The following TMEM109 variants were observed in gnomAD, a reference collection of about 807,000 sequenced individuals.
TMEM109 encodes the protein transmembrane protein 109.
In TMEM109, 19 loss-of-function variants were observed where a neutral mutation model predicts 26.4. That is an observed-to-expected ratio of 0.72 (90% CI 0.50 to 1.06). The LOEUF (loss-of-function observed/expected upper bound fraction) is 1.06, where lower values mean the gene tolerates loss of function less well. Ranked by LOEUF, TMEM109 falls within the 50% of genes least tolerant of loss-of-function variation. The probability of loss-of-function intolerance (pLI) is 0.00; values close to 1 mark genes in which losing one functional copy is unlikely to be tolerated. For missense variants in TMEM109, 262 were observed against 303.4 expected, an observed-to-expected ratio of 0.86 and a Z score of 1.01; for synonymous variants, 129 against 142.0, an observed-to-expected ratio of 0.91 and a Z score of 0.65.
At position 60,919,711 on chromosome 11, in the gene TMEM109, C is replaced by A; in HGVS notation, c.18C>A (p.Ile6=). The change falls in exon 2 of 4, where the codon ATC becomes ATA. Residue 6 remains isoleucine, a synonymous_variant. Coordinates refer to ENST00000227525, the MANE Select transcript of TMEM109 (RefSeq NM_024092.3). MAASS[I]SSPWGKHVFK... Reference sequence around the variant, plus strand: ...ACCCAGTCATGGCAGCCTCCAGCATCAGTTCACCATGGGGAAAGCATGTGT... The same window carrying A: ...ACCCAGTCATGGCAGCCTCCAGCATAAGTTCACCATGGGGAAAGCATGTGT... 1 of 1,614,194 alleles carries A rather than the reference C, an allele frequency of 6.2e-7. No individual in the cohort carries two copies. Among genetic ancestry groups the A allele is most frequent in the Non-Finnish European group, 8.5e-7 (1 of 1,180,020 alleles).
chr11:60,919,275 C>T (rs1268370761), intron 1 of TMEM109: 2 of 186,130 alleles, frequency 1.1e-5, no homozygotes, highest in African/African-American at 2.3e-5. Flanking sequence ...TTTTTTATAC[C>T]AGCTGTATCT....
Position 60,922,563 on chromosome 11 carries a change from T to G in TMEM109, c.*398T>G. 1 of 398,596 alleles carries G rather than the reference T, an allele frequency of 2.5e-6. No homozygotes were observed. Among genetic ancestry groups the G allele is most frequent in the South Asian group, 2.1e-5 (1 of 48,000 alleles). The allele number at this position is 398,596 out of a possible 1,614,324, so 24.7% of individuals were successfully genotyped here. The stretch of plus-strand genomic sequence containing the variant: ...TAATGCTCGTGCTCTCCTGTCCTTC[T>G]GAAGTTGCTCCTTGGCCAAATCTCC... On this transcript the variant is annotated 3_prime_UTR_variant, in exon 4 of 4. Transcript: ENST00000227525.
intron 2 of TMEM109, among the ~76,000 whole-genome samples, chr11:60,920,597 C>A (rs1193279806): frequency 6.6e-6 from 1 of 152,210 alleles, no homozygotes; most frequent in Non-Finnish European, 1.5e-5. Context: ...ACCTACTACT[C>A]CCTCCAAAGT....
chr11:60,918,598 CT>C (rs34970555), intron 1 of TMEM109: 78,707 of 141,474 alleles, frequency 0.56, 21,432 homozygotes, highest in East Asian at 0.67. Flanking sequence ...AAATTTCTTT[CT>C]TTTTTTTTTT....
chr11:60,916,846 T>A (rs1856180033), intron 1 of TMEM109, among the ~76,000 whole-genome samples: 1 of 152,200 alleles, frequency 6.6e-6, no homozygotes, highest in Non-Finnish European at 1.5e-5. Flanking sequence ...CCTGACCTCC[T>A]AGGGCTGAGG....
chr11:60,920,467 T>C (rs1029177178), intron 2 of TMEM109, among the ~76,000 whole-genome samples: 7 of 152,218 alleles, frequency 4.6e-5, no homozygotes, highest in Non-Finnish European at 8.8e-5. Context: ...TGGAACATCC[T>C]ATCCCTTTAC....
chr11:60,919,873 TG>T lies in TMEM109; in HGVS notation c.181del (p.Val61CysfsTer47). ...VDVLTQIGRS[V>X]RGTLDAWIGP... ...ATGTCTTGACCCAGATAGGTCGATC[TG>T]TGCGAGGGACACTGGATGCCTGGAT... On this transcript the variant is annotated frameshift_variant, in exon 2 of 4. Transcript: ENST00000227525. LOFTEE classifies it high-confidence loss of function. 6.2e-7 allele frequency: 1 copy of T among 1,614,206 alleles called. No homozygotes were observed. The highest frequency in any genetic ancestry group is 8.5e-7 in the Non-Finnish European group (1 of 1,180,036).
intron 1 of TMEM109, among the ~76,000 whole-genome samples, chr11:60,916,732 T>C (rs192215871): frequency 3.9e-4 from 59 of 152,334 alleles, no homozygotes; most frequent in African/African-American, 1.3e-3. Flanking sequence ...AGAGGGCTTA[T>C]TTCAAGGTCT....
chr11:60,919,317 C>A (rs978690514), intron 1 of TMEM109, among the ~76,000 whole-genome samples: 1 of 152,148 alleles, frequency 6.6e-6, no homozygotes, highest in Non-Finnish European at 1.5e-5. Context: ...GGGACAGAGC[C>A]TTTATAGAGT....
chr11:60,922,190 T>C lies in TMEM109; in HGVS notation c.*25T>C, dbSNP rs1297202209. 1 of 1,560,508 alleles carries C rather than the reference T, an allele frequency of 6.4e-7. No homozygotes were observed. The highest frequency in any genetic ancestry group is 8.7e-7 in the Non-Finnish European group (1 of 1,152,404). On this transcript the variant is annotated 3_prime_UTR_variant, in exon 4 of 4. Transcript: ENST00000227525. The stretch of plus-strand genomic sequence containing the variant: ...AGCCGGATGCCCCACACACCGCCAG[T>C]GTCATACCAAAGAGCTGAGCTGCTT...
intron 3 of TMEM109, among the ~76,000 whole-genome samples, chr11:60,921,276 C>T (rs1856234366): frequency 1.3e-5 from 2 of 152,092 alleles, no homozygotes; most frequent in Admixed American, 1.3e-4. Context: ...AAAAAATTAG[C>T]CAAGCATGGT....
At chr11:60,914,834 G>C (rs1438293915) in intron 1 of TMEM109, among the ~76,000 whole-genome samples, 1 of 152,266 alleles carries the variant, frequency 6.6e-6, no homozygotes, top group Non-Finnish European at 1.5e-5. Flanking sequence ...CAGCTGTCAG[G>C]GGTTTAGTGG....
At position 60,923,071 on chromosome 11, in the gene TMEM109, G is replaced by A. The variant is rs958095464; in HGVS notation, c.*906G>A. ...AACTGCATGCACTTCTCTCCCCATC[G>A]CTCCACAACCTGAAACCGAGAAGGA... is the stretch of plus-strand genomic sequence containing the variant. On this transcript the variant is annotated 3_prime_UTR_variant, in exon 4 of 4. Transcript: ENST00000227525. The A allele has an allele frequency of 6.6e-6, 1 of 152,558 alleles. No individual in the cohort carries two copies. The highest frequency in any genetic ancestry group is 1.5e-5 in the Non-Finnish European group (1 of 68,112). 9.5% of individuals were successfully genotyped at this position (152,558 alleles called of 1,614,324 possible). A position where few individuals can be genotyped will look rare whatever the true frequency, so the allele number is the denominator to read the frequency against.
At chr11:60,921,564 A>G (rs1472794405) in intron 3 of TMEM109, among the ~76,000 whole-genome samples, 1 of 152,206 alleles carries the variant, frequency 6.6e-6, no homozygotes, top group Non-Finnish European at 1.5e-5. Flanking sequence ...AGTAAATGAA[A>G]CTGCAGCTCA....
rs1235106331 is a variant in TMEM109 at position 60,921,886 on chromosome 11, G to T, written c.453G>T (p.Leu151Phe). ...VYWLLSLLLG[L>F]VLALLGRILW... Reference sequence around the variant, plus strand: ...GGCTGCTGTCTCTGCTCCTCGGCTTGGTCTTGGCCTTGCTGGGGCGGATCC... The same window carrying T: ...GGCTGCTGTCTCTGCTCCTCGGCTTTGTCTTGGCCTTGCTGGGGCGGATCC... Residue 151 changes from leucine to phenylalanine, a missense_variant, in exon 4 of 4, where the codon TTG becomes TTT. Leu to Phe is a conservative substitution (Grantham distance 22, BLOSUM62 0). Coordinates refer to ENST00000227525, the MANE Select transcript of TMEM109 (RefSeq NM_024092.3). 6.2e-7 allele frequency: 1 copy of T among 1,614,068 alleles called. No individual in the cohort carries two copies. Among genetic ancestry groups the T allele is most frequent in the Non-Finnish European group, 8.5e-7 (1 of 1,180,044 alleles).
In TMEM109 at chr11:60,920,088, C is replaced by T. The variant is rs190525456; in HGVS notation, c.237+158C>T. ...ACACAGCACTTGTCTTTGAATTCCT[C>T]GTTATTTGATTGCTGTCCTAGGGCC... On this transcript the variant is annotated intron_variant, in intron 2 of 3. Coordinates refer to ENST00000227525, the MANE Select transcript of TMEM109 (RefSeq NM_024092.3). Among the ~76,000 whole-genome samples, 71 of 152,290 alleles carry T rather than the reference C, an allele frequency of 4.7e-4. No individual in the cohort carries two copies. The East Asian group carries it at 6.4e-3, about 14-fold the overall frequency.
At chr11:60,918,667 TACTTAG>T (rs1281240940) in intron 1 of TMEM109, 3 of 150,300 alleles carry the variant, frequency 2.0e-5, no homozygotes, top group African/African-American at 7.4e-5. Flanking sequence ...GTCAAAGAAG[TACTTAG>T]GACCATGAGA....
At chr11:60,920,744 C>A (rs1329271907) in intron 2 of TMEM109, 142 bp from the exon 3 acceptor site, 2 of 757,730 alleles carry the variant, frequency 2.6e-6, no homozygotes, top group African/African-American at 3.5e-5. Flanking sequence ...AGGCCCCTAC[C>A]CTCTGACCCA....
At position 60,921,814 on chromosome 11, in the gene TMEM109, G is replaced by C. The variant is rs1856243296; in HGVS notation, c.381G>C (p.Gln127His). The change falls in exon 4 of 4, where the codon CAG (glutamine) becomes CAC (histidine). Residue 127 changes from glutamine to histidine, a missense_variant. By Grantham distance (24) the Gln-to-His change is conservative. Coordinates refer to ENST00000227525, the MANE Select transcript of TMEM109 (RefSeq NM_024092.3). The part of the protein sequence containing the change: ...LAQGLKLSPG[Q>H]VQTFLLWGAG... ...AGGGCCTGAAGCTCAGCCCTGGCCAGGTCCAGACCTTCCTGCTGTGGGGAG... is the reference window on the plus strand; with the variant it reads ...AGGGCCTGAAGCTCAGCCCTGGCCACGTCCAGACCTTCCTGCTGTGGGGAG... The C allele has an allele frequency of 1.2e-6, 2 of 1,613,742 alleles. No homozygotes were observed. The highest frequency in any genetic ancestry group is 1.3e-5 in the African/African-American group (1 of 74,940).
Sources: gnomAD v4.1 joint callset for allele counts (sites outside exome capture counted in the v4.1 genomes callset) on GRCh38, gnomAD v4.1.1 for gene constraint, MANE v1.5 for transcripts, NCBI Gene and HGNC (gene_info 2026-07-23, HGNC 2026-07-21) for gene names.